TRAPPC12: variants seen among roughly 807,000 people sequenced by gnomAD.
TRAPPC12 encodes trafficking protein particle complex subunit 12.
Under a neutral mutation model 69.2 loss-of-function variants are expected in TRAPPC12, and 61 were observed. The ratio of observed to expected loss-of-function variants is 0.88; its 90% CI spans 0.72 to 1.09. TRAPPC12 has a LOEUF of 1.09. Among genes scored for constraint, TRAPPC12 ranks in the 50% least tolerant of loss-of-function variants. The pLI is 0.00. For synonymous variants in TRAPPC12, 469 were observed against 438.9 expected (o/e 1.07, Z -0.86); for missense variants, 1,101 against 1,016.4 (o/e 1.08, Z -1.13).
chr2:3,463,554 C>T (rs921092272), intron 8 of TRAPPC12, among the ~76,000 whole-genome samples: 1 of 150,258 alleles, frequency 6.7e-6, no homozygotes, highest in African/African-American at 2.5e-5. Flanking sequence ...TCGTAAAAAC[C>T]TGTCTTTTGT....
chr2:3,472,279 G>C (rs1307063509), intron 9 of TRAPPC12: 1 of 152,406 alleles, frequency 6.6e-6, no homozygotes. Flanking sequence ...ACGTTTTACA[G>C]AGGGGCACGA....
intron 10 of TRAPPC12, chr2:3,478,586 A>G: frequency 2.9e-6 from 1 of 344,168 alleles, no homozygotes. Context: ...GTGAGCCGAG[A>G]TCGTGCCACT....
intron 5 of TRAPPC12, among the ~76,000 whole-genome samples, chr2:3,432,005 C>T (rs900130452): frequency 1.3e-5 from 2 of 152,234 alleles, no homozygotes; most frequent in Non-Finnish European, 2.9e-5. Flanking sequence ...AGCATGTAAA[C>T]TTTCATAGTG....
intron 9 of TRAPPC12, among the ~76,000 whole-genome samples, chr2:3,468,530 G>A (rs772879848): frequency 2.0e-5 from 3 of 152,136 alleles, no homozygotes; most frequent in Admixed American, 6.5e-5. Flanking sequence ...TGCCAGGAGC[G>A]CTGTAAGCGT....
At chr2:3,457,727 C>A in intron 7 of TRAPPC12, 34 bp downstream of exon 7, 1 of 1,605,640 alleles carries the variant, frequency 6.2e-7, no homozygotes, top group Non-Finnish European at 8.5e-7. Flanking sequence ...CTAGATGCTT[C>A]TCGGACATCA....
chr2:3,468,641 G>A (rs1031429915), intron 9 of TRAPPC12, among the ~76,000 whole-genome samples: 7 of 152,128 alleles, frequency 4.6e-5, no homozygotes, highest in South Asian at 2.1e-4. Context: ...GCAAAAGTAC[G>A]TGTGCTCAGA....
intron 7 of TRAPPC12, among the ~76,000 whole-genome samples, chr2:3,459,508 G>A (rs1665371196): frequency 6.6e-6 from 1 of 152,188 alleles, no homozygotes; most frequent in Non-Finnish European, 1.5e-5. Flanking sequence ...CAGACCCCAA[G>A]AAGGCCACAA....
intron 2 of TRAPPC12, among the ~76,000 whole-genome samples, chr2:3,396,021 C>T (rs1230308712): frequency 1.3e-5 from 2 of 152,112 alleles, no homozygotes; most frequent in East Asian, 1.9e-4. Flanking sequence ...TGAGCCACCA[C>T]GCCTGGCTAG....
chr2:3,382,279 C>T (rs7573231), intron 1 of TRAPPC12, among the ~76,000 whole-genome samples: 62,761 of 151,596 alleles, frequency 0.41, 13,573 homozygotes, highest in Admixed American at 0.49. Flanking sequence ...AGACTACAGG[C>T]GCCCGCCACC....
In TRAPPC12 at chr2:3,387,831, G is replaced by A. The variant is rs1477712835; in HGVS notation, c.208G>A (p.Val70Ile). 5.0e-6 allele frequency: 8 copies of A among 1,609,810 alleles called. No individual in the cohort carries two copies. The highest frequency in any genetic ancestry group is 4.0e-5 in the African/African-American group (3 of 74,818). Residue 70 changes from valine to isoleucine, a missense_variant, in exon 2 of 12, where the codon GTC (valine) becomes ATC (isoleucine). Physicochemically the swap from Val to Ile is conservative, Grantham distance 29 (BLOSUM62 3). Transcript: ENST00000324266. ...DKLNEHMMES[V>I]LISDSPNSEG... is the part of the protein sequence containing the mutation. Reference sequence around the variant, plus strand: ...GCTGAACGAACACATGATGGAGAGCGTCCTCATCTCTGACTCCCCCAACAG... The same window carrying A: ...GCTGAACGAACACATGATGGAGAGCATCCTCATCTCTGACTCCCCCAACAG...
At chr2:3,419,298 A>C (rs953232329) in intron 3 of TRAPPC12, among the ~76,000 whole-genome samples, 21 of 152,158 alleles carry the variant, frequency 1.4e-4, no homozygotes, top group Non-Finnish European at 1.0e-4. Flanking sequence ...ACTTGGCACA[A>C]TCTCTTTCCC....
At chr2:3,450,613 T>C (rs1664803554) in intron 6 of TRAPPC12, among the ~76,000 whole-genome samples, 1 of 152,214 alleles carries the variant, frequency 6.6e-6, no homozygotes, top group African/African-American at 2.4e-5. Flanking sequence ...CCGTGTTTCA[T>C]GATTCTTTGA....
At chr2:3,407,618 C>T (rs1016221290) in intron 3 of TRAPPC12, among the ~76,000 whole-genome samples, 3 of 151,898 alleles carry the variant, frequency 2.0e-5, no homozygotes, top group South Asian at 2.1e-4. Context: ...CTGGCTAACA[C>T]GGTGAAACCC....
chr2:3,411,918 G>C (rs1662084833), intron 3 of TRAPPC12, among the ~76,000 whole-genome samples: 1 of 152,136 alleles, frequency 6.6e-6, no homozygotes, highest in Non-Finnish European at 1.5e-5. Flanking sequence ...TGCCTATCCT[G>C]ACTTGTATCT....
chr2:3,455,393 T>C (rs1163214175), intron 6 of TRAPPC12: 1 of 152,206 alleles, frequency 6.6e-6, no homozygotes, highest in Non-Finnish European at 1.5e-5. Context: ...CCCTTAGTTA[T>C]TTTTTTAACG....
chr2:3,421,835 A>C (rs1662806265), intron 3 of TRAPPC12, 46 bp from the exon 4 acceptor site: 1 of 1,552,802 alleles, frequency 6.4e-7, no homozygotes, highest in Non-Finnish European at 8.9e-7. Flanking sequence ...GGATTCCACC[A>C]TGCCTTGCAT....
chr2:3,458,159 A>G (rs1294189115), intron 7 of TRAPPC12: 1 of 1,008,974 alleles, frequency 9.9e-7, no homozygotes. Context: ...GGACCTGGGC[A>G]GTTCCCTGGA....
chr2:3,393,689 TAAA>T (rs11336017), intron 2 of TRAPPC12, among the ~76,000 whole-genome samples: 9 of 126,906 alleles, frequency 7.1e-5, no homozygotes, highest in Non-Finnish European at 1.0e-4. Flanking sequence ...TACCCACATT[TAAA>T]AAAAAAAAAA....
intron 3 of TRAPPC12, among the ~76,000 whole-genome samples, chr2:3,419,777 G>C (rs1340832269): frequency 6.6e-6 from 1 of 152,192 alleles, no homozygotes; most frequent in Non-Finnish European, 1.5e-5. Context: ...TACAGTGAAA[G>C]GAAAAACTCC....
Sources: allele counts gnomAD v4.1 joint callset (sites outside exome capture counted in the v4.1 genomes callset), GRCh38; gene constraint gnomAD v4.1.1; transcripts MANE v1.5; gene names NCBI Gene and HGNC (gene_info 2026-07-23, HGNC 2026-07-21).